RBFOX1: variants seen among roughly 807,000 people sequenced by gnomAD.
RBFOX1 encodes RNA binding protein fox-1 homolog 1.
A neutral mutation model predicts 57.7 loss-of-function variants in RBFOX1; 8 were observed. The ratio of observed to expected loss-of-function variants is 0.14; its 90% CI spans 0.08 to 0.25. The LOEUF (loss-of-function observed/expected upper bound fraction) is 0.25, where lower values mean the gene tolerates loss of function less well. RBFOX1 is among the 10% of genes least tolerant of loss of function. RBFOX1 has a pLI of 1.00. For missense variants in RBFOX1, 611 were observed against 548.5 expected (o/e 1.11, Z -1.14); for synonymous variants, 326 against 222.4 (o/e 1.47, Z -4.15).
intron 15 of RBFOX1, chr16:7,710,252 A>G (rs550009499): frequency 1.6e-5 from 17 of 1,079,730 alleles, no homozygotes; most frequent in Non-Finnish European, 1.9e-5. Context: ...CCTAGTCCAC[A>G]TGAGGAATGT....
chr16:6,520,571 T>G (rs1031076366), intron 2 of RBFOX1, among the ~76,000 whole-genome samples: 1 of 152,290 alleles, frequency 6.6e-6, no homozygotes, highest in Non-Finnish European at 1.5e-5. Context: ...TGGTTCTAAC[T>G]TGTGAAAAAA....
At chr16:7,132,730 C>A (rs754267374) in intron 4 of RBFOX1, among the ~76,000 whole-genome samples, 1 of 151,902 alleles carries the variant, frequency 6.6e-6, no homozygotes, top group Non-Finnish European at 1.5e-5. Flanking sequence ...CAACCAGTCA[C>A]AAGAAGACAA....
chr16:6,861,350 A>C (rs563060001), intron 3 of RBFOX1, among the ~76,000 whole-genome samples: 1 of 152,244 alleles, frequency 6.6e-6, no homozygotes, highest in South Asian at 2.1e-4. Context: ...AGATGAGTAA[A>C]GAGATGCAGT....
chr16:7,394,392 C>T (rs1251969029), intron 4 of RBFOX1, among the ~76,000 whole-genome samples: 1 of 152,010 alleles, frequency 6.6e-6, no homozygotes, highest in Non-Finnish European at 1.5e-5. Flanking sequence ...CCTTCTGTCT[C>T]CTTAGTCTTC....
chr16:5,843,028 C>T (rs1027624239), intron 3 of RBFOX1, among the ~76,000 whole-genome samples: 5 of 152,048 alleles, frequency 3.3e-5, no homozygotes, highest in East Asian at 1.9e-4. Context: ...GGGGTTTCAC[C>T]ATGTTGGCCA....
chr16:7,560,203 C>G (rs2089977920), intron 5 of RBFOX1, among the ~76,000 whole-genome samples: 1 of 152,202 alleles, frequency 6.6e-6, no homozygotes, highest in Admixed American at 6.5e-5. Flanking sequence ...ACTTTTCTGG[C>G]TGCAAAATCT....
At position 7,365,489 on chromosome 16, in the gene RBFOX1, TC is replaced by T. The variant is rs910096892; in HGVS notation, c.28-152651del. On this transcript the variant is annotated intron_variant, in intron 4 of 15. Coordinates refer to ENST00000550418, the MANE Select transcript of RBFOX1 (RefSeq NM_018723.4). ...GATTCTCAAGAAGGAGTGATTTTTT[TC>T]CCCCCCACAGGGAACATTCGGAAAT... Among the ~76,000 whole-genome samples the T allele has an allele frequency of 9.9e-5, 15 of 152,082 alleles. 1 individual carries two copies. The East Asian group carries it at 1.2e-3, about 12-fold the overall frequency.
chr16:6,485,345 C>G (rs2153106761), intron 2 of RBFOX1, among the ~76,000 whole-genome samples: 1 of 150,148 alleles, frequency 6.7e-6, no homozygotes, highest in Non-Finnish European at 1.5e-5. Flanking sequence ...CCCTCCCTCT[C>G]TTACCCCTCT....
chr16:5,765,732 A>G (rs965896727), intron 3 of RBFOX1, among the ~76,000 whole-genome samples: 2 of 152,184 alleles, frequency 1.3e-5, no homozygotes, highest in Non-Finnish European at 2.9e-5. Flanking sequence ...TCAGCCAGTG[A>G]AGCACCTCAG....
intron 2 of RBFOX1, among the ~76,000 whole-genome samples, chr16:6,590,767 G>C (rs1477355061): frequency 6.6e-6 from 1 of 152,170 alleles, no homozygotes; most frequent in African/African-American, 2.4e-5. Flanking sequence ...AGGGTGTTGG[G>C]ATGGGTGTTT....
At chr16:7,079,451 A>T (rs966426173) in intron 4 of RBFOX1, among the ~76,000 whole-genome samples, 8 of 152,182 alleles carry the variant, frequency 5.3e-5, no homozygotes, top group Non-Finnish European at 8.8e-5. Context: ...GTGTACCTGC[A>T]TTTTGTCATG....
At chr16:6,358,032 C>T (rs1257252366) in intron 2 of RBFOX1, among the ~76,000 whole-genome samples, 3 of 151,694 alleles carry the variant, frequency 2.0e-5, no homozygotes, top group African/African-American at 7.3e-5. Flanking sequence ...GTCAAAGCAA[C>T]CTGAAGTTTC....
intron 3 of RBFOX1, among the ~76,000 whole-genome samples, chr16:6,690,758 C>CTTTTT (rs71145276): frequency 0.017 from 2,357 of 141,000 alleles, 32 homozygotes; most frequent in Non-Finnish European, 0.021. Context: ...TTCTTTCTTT[C>CTTTTT]TTTTTTTTTT....
At chr16:7,197,311 G>C (rs9928993) in intron 4 of RBFOX1, among the ~76,000 whole-genome samples, 6 of 152,064 alleles carry the variant, frequency 3.9e-5, no homozygotes, top group African/African-American at 1.4e-4. Flanking sequence ...GGAAGCGACT[G>C]AGCTTGCTAT....
intron 1 of RBFOX1, among the ~76,000 whole-genome samples, chr16:6,149,945 T>C (rs1271437572): frequency 6.6e-6 from 1 of 152,174 alleles, no homozygotes; most frequent in East Asian, 1.9e-4. Flanking sequence ...CTGATTCAGA[T>C]GGAGGTAAGA....
intron 3 of RBFOX1, among the ~76,000 whole-genome samples, chr16:6,997,352 A>G (rs1042493613): frequency 2.6e-5 from 4 of 152,200 alleles, no homozygotes; most frequent in Non-Finnish European, 4.4e-5. Flanking sequence ...AGCAAAACCA[A>G]TGACTTAAAG....
chr16:6,478,369 C>A (rs1387677526), intron 2 of RBFOX1, among the ~76,000 whole-genome samples: 2 of 126,024 alleles, frequency 1.6e-5, no homozygotes, highest in Admixed American at 8.3e-5. Flanking sequence ...ATTACAGGTA[C>A]CTGCCACTAC....
intron 1 of RBFOX1, among the ~76,000 whole-genome samples, chr16:6,267,009 C>T (rs887397358): frequency 2.0e-4 from 31 of 152,112 alleles, no homozygotes; most frequent in African/African-American, 7.5e-4. Flanking sequence ...CTGGCTCCAC[C>T]ACCATCATGA....
At chr16:7,397,394 T>C (rs1281138535) in intron 4 of RBFOX1, among the ~76,000 whole-genome samples, 2 of 152,208 alleles carry the variant, frequency 1.3e-5, no homozygotes, top group African/African-American at 2.4e-5. Context: ...CGTTGGCTTA[T>C]AGGAGCACCA....
Sources: gnomAD v4.1 joint callset for allele counts (sites outside exome capture counted in the v4.1 genomes callset) on GRCh38, gnomAD v4.1.1 for gene constraint, MANE v1.5 for transcripts, NCBI Gene and HGNC (gene_info 2026-07-23, HGNC 2026-07-21) for gene names.